The following NPLOC4 variants were observed in gnomAD, a reference collection of about 807,000 sequenced individuals.
The protein encoded by NPLOC4 is NPL4 homolog, ubiquitin recognition factor.
In NPLOC4, 18 loss-of-function variants were observed where a neutral mutation model predicts 80.6. The observed-to-expected ratio is 0.22, with a 90% confidence interval of 0.15 to 0.33. NPLOC4 has a LOEUF of 0.33. Among genes scored for constraint, NPLOC4 ranks in the 10% least tolerant of loss-of-function variants. The pLI is 1.00. For synonymous variants in NPLOC4, 313 were observed against 301.5 expected, an observed-to-expected ratio of 1.04 and a Z score of -0.39; for missense variants, 540 against 786.1, an observed-to-expected ratio of 0.69 and a Z score of 3.74.
intron 8 of NPLOC4, among the ~76,000 whole-genome samples, chr17:81,603,480 C>T (rs991742743): frequency 4.6e-5 from 7 of 152,048 alleles, no homozygotes; most frequent in Admixed American, 3.3e-4. Context: ...CCTGTAGTCC[C>T]AGCTACTCAG....
intron 11 of NPLOC4, among the ~76,000 whole-genome samples, chr17:81,592,421 T>C (rs931887173): frequency 2.6e-5 from 4 of 152,108 alleles, no homozygotes; most frequent in African/African-American, 9.7e-5. Flanking sequence ...CCATGGCAAG[T>C]CTGAGCACCA....
chr17:81,613,367 A>G lies in NPLOC4; in HGVS notation c.337T>C (p.Tyr113His). Reference sequence around the variant, plus strand: ...ATCTTCCCGTCCTGTTTGCTGAGGTACTGATCAATCTCATCCTCCACCACG... The same window carrying G: ...ATCTTCCCGTCCTGTTTGCTGAGGTGCTGATCAATCTCATCCTCCACCACG... ...PNVVEDEIDQ[Y>H]LSKQDGKIYR... The change falls in exon 4 of 17, where the codon TAC becomes CAC. Residue 113 changes from tyrosine (Y) to histidine (H), a missense_variant. Tyr to His is a moderately conservative substitution (Grantham distance 83). This residue lies in a region of NPLOC4 where 74 missense variants were observed against 75.7 expected (regional missense o/e 0.98). Coordinates refer to ENST00000331134, the MANE Select transcript of NPLOC4 (RefSeq NM_017921.4). 6.2e-7 allele frequency: 1 copy of G among 1,613,948 alleles called. No homozygotes were observed. The highest frequency in any genetic ancestry group is 2.2e-5 in the East Asian group (1 of 44,884).
intron 7 of NPLOC4, 40 bp downstream of exon 7, chr17:81,606,651 A>G: frequency 6.3e-7 from 1 of 1,594,172 alleles, no homozygotes; most frequent in Non-Finnish European, 8.6e-7. Flanking sequence ...TCCGTTTCTC[A>G]GCCATGAAAA....
chr17:81,623,981 AACT>A (rs2035734387), intron 2 of NPLOC4, among the ~76,000 whole-genome samples: 1 of 150,968 alleles, frequency 6.6e-6, no homozygotes, highest in Non-Finnish European at 1.5e-5. Flanking sequence ...CACAAAAATG[AACT>A]AGAAAAGACA....
Position 81,596,237 on chromosome 17 carries a change from G to C in NPLOC4, c.999C>G (p.Thr333=). Residue 333 remains threonine (T), a synonymous_variant, in exon 11 of 17, where the codon ACC becomes ACG. Coordinates refer to ENST00000331134, the MANE Select transcript of NPLOC4 (RefSeq NM_017921.4). ...TGCACTCTTCTGAACTTAGGAAATAGGTGTCCTAAGACAAGAGAAGCAGCC... is the reference window on the plus strand; with the variant it reads ...TGCACTCTTCTGAACTTAGGAAATACGTGTCCTAAGACAAGAGAAGCAGCC... The part of the protein sequence containing the change: ...GTVRYSRNKD[T]YFLSSEECIT... 1 of 1,612,088 alleles carries C rather than the reference G, an allele frequency of 6.2e-7. No individual in the cohort carries two copies. The highest frequency in any genetic ancestry group is 8.5e-7 in the Non-Finnish European group (1 of 1,178,736).
intron 11 of NPLOC4, among the ~76,000 whole-genome samples, chr17:81,593,162 TTA>T (rs1288375352): frequency 1.3e-5 from 2 of 152,110 alleles, no homozygotes; most frequent in Non-Finnish European, 2.9e-5. Context: ...CAATTCTGTT[TTA>T]TAAATAGCCA....
intron 2 of NPLOC4, among the ~76,000 whole-genome samples, chr17:81,625,007 T>C (rs961673466): frequency 2.6e-5 from 4 of 152,046 alleles, no homozygotes; most frequent in Non-Finnish European, 4.4e-5. Flanking sequence ...AACACCACAC[T>C]GAAGAGGAAG....
At chr17:81,568,268 C>T (rs1429640498) in intron 14 of NPLOC4, among the ~76,000 whole-genome samples, 1 of 152,110 alleles carries the variant, frequency 6.6e-6, no homozygotes, top group African/African-American at 2.4e-5. Flanking sequence ...GAGGAATGTG[C>T]AGGGCAGCCG....
chr17:81,569,561 G>A lies in NPLOC4; in HGVS notation c.1354-450C>T, dbSNP rs566584055. On this transcript the variant is annotated intron_variant, in intron 13 of 16. Coordinates refer to ENST00000331134, the MANE Select transcript of NPLOC4 (RefSeq NM_017921.4). ...AGAGATTCGTGTCATTGGATTCGGA[G>A]GGCAAATGAGCAATCAGCCAGCTTT... 5.3e-5 allele frequency among the ~76,000 whole-genome samples: 8 copies of A among 152,342 alleles called. No individual in the cohort carries two copies. The South Asian group carries it at 1.4e-3, about 28-fold the overall frequency.
At chr17:81,586,429 G>C (rs2144126564) in intron 12 of NPLOC4, among the ~76,000 whole-genome samples, 1 of 152,170 alleles carries the variant, frequency 6.6e-6, no homozygotes, top group East Asian at 1.9e-4. Flanking sequence ...GGCCAACATG[G>C]TAAAACACAG....
chr17:81,565,734 T>C, intron 15 of NPLOC4, 127 bp from the exon 16 acceptor site: 1 of 697,736 alleles, frequency 1.4e-6, no homozygotes, highest in Non-Finnish European at 2.3e-6. Context: ...TCTTACAGGC[T>C]ATCACTATAA....
At chr17:81,574,967 C>G (rs189159331) in intron 12 of NPLOC4, among the ~76,000 whole-genome samples, 2 of 152,154 alleles carry the variant, frequency 1.3e-5, no homozygotes, top group African/African-American at 4.8e-5. Flanking sequence ...TGGCATCAAC[C>G]CTGCTTTAGA....
rs138633239 is a variant in NPLOC4 at position 81,628,882 on chromosome 17, T to C, written c.96+843A>G. On this transcript the variant is annotated intron_variant, in intron 2 of 16. Transcript: ENST00000331134. ...CAACTGTAGTCATATCTACAATTCATACTTTTTTTTTTTTTTGAGACAGTC... is the reference window on the plus strand; with the variant it reads ...CAACTGTAGTCATATCTACAATTCACACTTTTTTTTTTTTTTGAGACAGTC... 6.3e-3 allele frequency among the ~76,000 whole-genome samples: 694 copies of C among 110,444 alleles called. 5 individuals are homozygous for C. Among genetic ancestry groups the C allele is most frequent in the Middle Eastern group, 0.018 (4 of 228 alleles). The allele number at this position is 110,444 out of a possible 152,430, so 72.5% of individuals were successfully genotyped here.
chr17:81,626,915 C>A, intron 2 of NPLOC4, among the ~76,000 whole-genome samples: 1 of 115,822 alleles, frequency 8.6e-6, no homozygotes, highest in South Asian at 3.5e-4. Flanking sequence ...CATAGTGAAA[C>A]CTCGTCTCTA....
In NPLOC4 at chr17:81,616,333, A is replaced by AAAAAAAAAAAAAAGAAAC. The variant is rs780878214; in HGVS notation, c.210-2840_210-2839insGTTTCTTTTTTTTTTTTT. On this transcript the variant is annotated intron_variant, in intron 3 of 16. Coordinates refer to ENST00000331134, the MANE Select transcript of NPLOC4 (RefSeq NM_017921.4). Reference sequence around the variant, plus strand: ...AAGACTCTGTCTCAAAAAAAAAAAAAAAAAAGAAAAGCAAAGCTGCTAAAT... The same window carrying AAAAAAAAAAAAAAGAAAC: ...AAGACTCTGTCTCAAAAAAAAAAAAAAAAAAAAAAAAAAGAAACAAAAAGAAAAGCAAAGCTGCTAAAT... 2.3e-4 allele frequency among the ~76,000 whole-genome samples: 27 copies of AAAAAAAAAAAAAAGAAAC among 115,608 alleles called. 3 individuals are homozygous for AAAAAAAAAAAAAAGAAAC. The South Asian group carries it at 6.1e-3, about 26-fold the overall frequency. 75.8% of individuals were successfully genotyped at this position (115,608 alleles called of 152,430 possible). A position where few individuals can be genotyped will look rare whatever the true frequency, so the allele number is the denominator to read the frequency against.
At chr17:81,610,153 G>T in intron 5 of NPLOC4, 57 bp downstream of exon 5, 1 of 1,490,448 alleles carries the variant, frequency 6.7e-7, no homozygotes, top group Non-Finnish European at 9.2e-7. Context: ...ACTTAAGACA[G>T]CTGTCTACCC....
intron 2 of NPLOC4, among the ~76,000 whole-genome samples, chr17:81,624,544 G>A (rs1237175807): frequency 6.6e-6 from 1 of 152,084 alleles, no homozygotes; most frequent in Non-Finnish European, 1.5e-5. Flanking sequence ...GCTGCAGTGA[G>A]ATGAGATCAC....
At chr17:81,576,633 CAAAG>C (rs2034309956) in intron 12 of NPLOC4, among the ~76,000 whole-genome samples, 1 of 151,998 alleles carries the variant, frequency 6.6e-6, no homozygotes, top group Non-Finnish European at 1.5e-5. Flanking sequence ...GTATAAAAGA[CAAAG>C]AACGAAAACC....
intron 1 of NPLOC4, among the ~76,000 whole-genome samples, chr17:81,631,945 G>A (rs751874662): frequency 4.0e-5 from 6 of 151,216 alleles, no homozygotes; most frequent in Non-Finnish European, 7.4e-5. Context: ...AATCACAGGC[G>A]CCCACCACCA....
Sources: gnomAD v4.1 joint callset for allele counts (sites outside exome capture counted in the v4.1 genomes callset) on GRCh38, gnomAD v4.1.1 for gene constraint, gnomAD v4.1.1 regional missense constraint, MANE v1.5 for transcripts, NCBI Gene and HGNC (gene_info 2026-07-23, HGNC 2026-07-21) for gene names.